Variants in MAPKAP1 observed in about 807,000 individuals in gnomAD.
MAPKAP1 encodes the protein MAPK associated protein 1.
A neutral mutation model predicts 65.7 loss-of-function variants in MAPKAP1; 20 were observed. The ratio of observed to expected loss-of-function variants is 0.30; its 90% CI spans 0.21 to 0.44. MAPKAP1 has a LOEUF of 0.44. MAPKAP1 is among the 20% of genes least tolerant of loss of function. The pLI is 1.00. For missense variants in MAPKAP1, 423 were observed against 648.0 expected (o/e 0.65, Z 3.77); for synonymous variants, 222 against 244.3 (o/e 0.91, Z 0.85).
intron 5 of MAPKAP1, among the ~76,000 whole-genome samples, chr9:125,579,708 A>G (rs992901590): frequency 6.6e-6 from 1 of 152,182 alleles, no homozygotes; most frequent in East Asian, 1.9e-4. Flanking sequence ...CACAGGGCCA[A>G]CCCACTGGAA....
chr9:125,454,677 T>A, intron 10 of MAPKAP1, among the ~76,000 whole-genome samples: 1 of 152,218 alleles, frequency 6.6e-6, no homozygotes, highest in Admixed American at 6.5e-5. Flanking sequence ...TTTAATAGTT[T>A]TTGTTTAGTT....
chr9:125,607,987 C>T (rs72769121), intron 4 of MAPKAP1, among the ~76,000 whole-genome samples: 16,192 of 152,156 alleles, frequency 0.11, 1,147 homozygotes, highest in Middle Eastern at 0.2. Context: ...TGTGGGCTTC[C>T]GAAGGATGGC....
At chr9:125,501,931 G>C (rs551086751) in intron 8 of MAPKAP1, among the ~76,000 whole-genome samples, 1 of 151,832 alleles carries the variant, frequency 6.6e-6, no homozygotes, top group South Asian at 2.1e-4. Flanking sequence ...GAAGTGTATC[G>C]ATTTTGTTGG....
rs930315953 is a variant in MAPKAP1 at position 125,521,609 on chromosome 9, G to A, written c.959-15192C>T. On this transcript the variant is annotated intron_variant, in intron 7 of 11. Coordinates refer to ENST00000265960, the MANE Select transcript of MAPKAP1 (RefSeq NM_001006617.3). The stretch of plus-strand genomic sequence containing the variant: ...AATCACACTGCAGAGGAATTTAGCT[G>A]TGGGGAACAGACAGTAAATCCAGAG... The A allele has an allele frequency of 2.7e-6, 4 of 1,495,304 alleles. No homozygotes were observed. In the African/African-American group the frequency reaches 4.3e-5, roughly 16 times the overall value. The allele number at this position is 1,495,304 out of a possible 1,614,324, so 92.6% of individuals were successfully genotyped here.
chr9:125,448,609 C>T (rs188794536), intron 10 of MAPKAP1, among the ~76,000 whole-genome samples: 1 of 152,300 alleles, frequency 6.6e-6, no homozygotes, highest in Non-Finnish European at 1.5e-5. Context: ...AGGCAAGTTA[C>T]CTTTGAAAAT....
intron 6 of MAPKAP1, among the ~76,000 whole-genome samples, chr9:125,555,629 C>G (rs1830715264): frequency 6.6e-6 from 1 of 152,206 alleles, no homozygotes; most frequent in Non-Finnish European, 1.5e-5. Flanking sequence ...CTCCTGGCAG[C>G]CCACAGACAC....
intron 10 of MAPKAP1, 130 bp from the exon 11 acceptor site, chr9:125,444,728 G>T (rs1852636061): frequency 3.3e-6 from 2 of 600,454 alleles, no homozygotes; most frequent in East Asian, 2.9e-5. Context: ...AGTCTTCCCA[G>T]GAGTAGTTCG....
At chr9:125,497,441 G>GAATAAAATAAATGAATA (rs1828841028) in intron 8 of MAPKAP1, among the ~76,000 whole-genome samples, 1 of 152,132 alleles carries the variant, frequency 6.6e-6, no homozygotes, top group Non-Finnish European at 1.5e-5. Flanking sequence ...ATGAATAAAA[G>GAATAAAATAAATGAATA]ACAGTTTTCC....
At chr9:125,587,499 G>C (rs1445767053) in intron 4 of MAPKAP1, among the ~76,000 whole-genome samples, 1 of 152,164 alleles carries the variant, frequency 6.6e-6, no homozygotes, top group Non-Finnish European at 1.5e-5. Flanking sequence ...CCAGAAGGCA[G>C]ATGTTGCAAT....
In MAPKAP1 at chr9:125,485,200, C is replaced by T. The variant is rs150736633; in HGVS notation, c.1067-617G>A. Reference sequence around the variant, plus strand: ...TAGACATAGCTGTCTACTGACAGAGCCCCCACTGGCTCAGGGGGCACCTGC... The same window carrying T: ...TAGACATAGCTGTCTACTGACAGAGTCCCCACTGGCTCAGGGGGCACCTGC... On this transcript the variant is annotated intron_variant, in intron 8 of 11. Coordinates refer to ENST00000265960, the MANE Select transcript of MAPKAP1 (RefSeq NM_001006617.3). Among the ~76,000 whole-genome samples the T allele has an allele frequency of 5.3e-4, 81 of 152,268 alleles. No homozygotes were observed. The East Asian group carries it at 0.015, about 28-fold the overall frequency.
chr9:125,602,892 C>G (rs563559424), intron 4 of MAPKAP1, among the ~76,000 whole-genome samples: 5 of 152,070 alleles, frequency 3.3e-5, no homozygotes, highest in African/African-American at 1.2e-4. Context: ...CCTCTGATTC[C>G]GTTTTCTCTC....
intron 5 of MAPKAP1, 23 bp downstream of exon 5, chr9:125,585,532 C>T: frequency 6.2e-7 from 1 of 1,608,702 alleles, no homozygotes; most frequent in Non-Finnish European, 8.5e-7. Context: ...GAAACTAGAG[C>T]AGCCAAAAAG....
chr9:125,697,746 C>G (rs769682215), intron 1 of MAPKAP1, among the ~76,000 whole-genome samples: 1 of 152,078 alleles, frequency 6.6e-6, no homozygotes, highest in African/African-American at 2.4e-5. Flanking sequence ...TTTTTAAAAG[C>G]TTGTTAATAA....
chr9:125,515,993 T>C (rs530969974), intron 7 of MAPKAP1, among the ~76,000 whole-genome samples: 30 of 152,304 alleles, frequency 2.0e-4, no homozygotes, highest in African/African-American at 7.0e-4. Flanking sequence ...TTAAAGTTTA[T>C]TAAAACAAAT....
At chr9:125,591,944 G>A (rs943750759) in intron 4 of MAPKAP1, among the ~76,000 whole-genome samples, 1 of 152,204 alleles carries the variant, frequency 6.6e-6, no homozygotes, top group Non-Finnish European at 1.5e-5. Context: ...GGCAATTTAC[G>A]TGTTCCACCA....
At chr9:125,492,035 T>TA (rs33954490) in intron 8 of MAPKAP1, among the ~76,000 whole-genome samples, 1,620 of 125,390 alleles carry the variant, frequency 0.013, 28 homozygotes, top group African/African-American at 0.033. Flanking sequence ...TACTGAAAGT[T>TA]AAAAAAAAAA....
chr9:125,695,869 T>G (rs773313274), intron 1 of MAPKAP1, among the ~76,000 whole-genome samples: 9 of 152,014 alleles, frequency 5.9e-5, no homozygotes, highest in Non-Finnish European at 1.0e-4. Flanking sequence ...GCTGGGATTA[T>G]AGGCATGTGC....
rs1434185298 is a variant in MAPKAP1, at chr9:125,437,591, G to A, written c.*1296C>T. On this transcript the variant is annotated 3_prime_UTR_variant, in exon 12 of 12. Transcript: ENST00000265960. ...GGAATGGAAGACATTAGAAAAGGACGCTCCTGTTGGCTGAACAAAGATCAG... is the reference window on the plus strand; with the variant it reads ...GGAATGGAAGACATTAGAAAAGGACACTCCTGTTGGCTGAACAAAGATCAG... 2.0e-5 allele frequency: 3 copies of A among 152,512 alleles called. No individual in the cohort carries two copies. Among genetic ancestry groups the A allele is most frequent in the Non-Finnish European group, 4.4e-5 (3 of 68,026 alleles). The allele number at this position is 152,512 out of a possible 1,614,324, so 9.4% of individuals were successfully genotyped here. A position where few individuals can be genotyped will look rare whatever the true frequency, so the allele number is the denominator to read the frequency against.
At chr9:125,643,704 C>A (rs994695681) in intron 4 of MAPKAP1, among the ~76,000 whole-genome samples, 2 of 152,060 alleles carry the variant, frequency 1.3e-5, no homozygotes, top group Admixed American at 1.3e-4. Context: ...TTTGTATATA[C>A]GTTTCTGATT....
Sources: allele counts gnomAD v4.1 joint callset (sites outside exome capture counted in the v4.1 genomes callset), GRCh38; gene constraint gnomAD v4.1.1; transcripts MANE v1.5; gene names NCBI Gene and HGNC (gene_info 2026-07-23, HGNC 2026-07-21).